EML5: variants seen among roughly 807,000 people sequenced by gnomAD.
EML5 encodes the protein EMAP like 5, also known as echinoderm microtubule-associated protein-like 5.
EML5 carries 120 observed loss-of-function variants against 250.0 expected under a neutral mutation model. The ratio of observed to expected loss-of-function variants is 0.48; its 90% CI spans 0.41 to 0.56. The LOEUF is 0.56. Ranked by LOEUF, EML5 falls within the 20% of genes least tolerant of loss-of-function variation. The pLI is 0.00. For missense variants in EML5, 2,006 were observed against 2,437.6 expected (o/e 0.82, Z 3.73); for synonymous variants, 771 against 806.5 (o/e 0.96, Z 0.75).
Position 88,616,248 on chromosome 14 carries a change from AAAC to A in EML5, c.5797-9_5797-7del. 1 of 1,613,648 alleles carries A rather than the reference AAAC, an allele frequency of 6.2e-7. No individual in the cohort carries two copies. Among genetic ancestry groups the A allele is most frequent in the South Asian group, 1.1e-5 (1 of 91,058 alleles). On this transcript the variant is annotated splice_polypyrimidine_tract_variant and splice_region_variant and intron_variant, in intron 42 of 43. Transcript: ENST00000554922. ...AAGAACCTTTTGTGTTTTGCCTAAAAAACAATGACAGACAAGCTCAGGGCATTT... is the reference window on the plus strand; with the variant it reads ...AAGAACCTTTTGTGTTTTGCCTAAAAAATGACAGACAAGCTCAGGGCATTT...
At chr14:88,770,266 T>C (rs1304576407) in intron 1 of EML5, among the ~76,000 whole-genome samples, 1 of 152,216 alleles carries the variant, frequency 6.6e-6, no homozygotes, top group East Asian at 1.9e-4. Context: ...GGAGGTCTGA[T>C]AAGTTATTTT....
Position 88,740,533 on chromosome 14 carries a change from C to A in EML5, c.565G>T (p.Gly189Cys). ...LCGNALTPKR[G>C]VFGKTGDLQT... ...AGGTCACCCGTCTTACCAAAGACAC[C>A]TCGTTTTGGGGTCAGAGCATTTCCA... The change falls in exon 5 of 44, where the codon GGT becomes TGT. Residue 189 changes from glycine (G) to cysteine (C), a missense_variant. Around this residue, in one of 7 missense-constraint regions of EML5, gnomAD observed 1,375 missense variants for 1,590.3 expected, o/e 0.86. Coordinates refer to ENST00000554922, the MANE Select transcript of EML5 (RefSeq NM_183387.3). The A allele has an allele frequency of 6.2e-7, 1 of 1,613,036 alleles. No homozygotes were observed. The highest frequency in any genetic ancestry group is 8.5e-7 in the Non-Finnish European group (1 of 1,179,494).
intron 1 of EML5, among the ~76,000 whole-genome samples, chr14:88,790,911 C>T (rs2094599420): frequency 6.6e-6 from 1 of 152,102 alleles, no homozygotes; most frequent in African/African-American, 2.4e-5. Flanking sequence ...CTAATCACCA[C>T]GATACAGAGT....
rs1025450566 is a variant in EML5 at position 88,792,821 on chromosome 14, G to T, written c.-318C>A. ...GCGCCTGGGCCGAGAGCGAGGGCCC[G>T]CCTCCAGCTCCTCAGCCGCCGCCCG... On this transcript the variant is annotated 5_prime_UTR_variant, in exon 1 of 44. Transcript: ENST00000554922. This position sits in a 1 kb window ranked among gnomAD's most constrained non-coding sequence, Gnocchi z 6.9. 12 of 866,122 alleles carry T rather than the reference G, an allele frequency of 1.4e-5. No individual in the cohort carries two copies. The highest frequency in any genetic ancestry group is 1.2e-4 in the Admixed American group (2 of 16,428). 53.7% of individuals were successfully genotyped at this position (866,122 alleles called of 1,614,324 possible).
chr14:88,666,725 G>C (rs1478841498), intron 21 of EML5, among the ~76,000 whole-genome samples: 2 of 151,852 alleles, frequency 1.3e-5, no homozygotes, highest in African/African-American at 4.8e-5. Flanking sequence ...ACACAAAAAA[G>C]GGCTTACCCT....
intron 8 of EML5, among the ~76,000 whole-genome samples, chr14:88,721,320 G>T (rs1265049833): frequency 6.6e-6 from 1 of 152,074 alleles, no homozygotes; most frequent in African/African-American, 2.4e-5. Context: ...TCAATCCTAA[G>T]CAAAAAGAAC....
At position 88,792,453 on chromosome 14, in the gene EML5, G is replaced by A. The variant is rs748508304; in HGVS notation, c.51C>T (p.Tyr17=). Residue 17 remains tyrosine, a synonymous_variant, in exon 1 of 44, where the codon TAC becomes TAT. Transcript: ENST00000554922. The surrounding 1 kb of genome is among the most constrained non-coding windows in gnomAD (Gnocchi z 6.9). ...TGCGGCACTGGTGGCCCCGGTAGCC[G>A]TACACCCACTCGAGCCGCAGGTGGC... ...PSCHLRLEWV[Y]GYRGHQCRNN... 1.6e-5 allele frequency: 24 copies of A among 1,521,840 alleles called. No individual in the cohort carries two copies. In the Admixed American group the frequency reaches 4.2e-4, roughly 26 times the overall value. The allele number at this position is 1,521,840 out of a possible 1,614,324, so 94.3% of individuals were successfully genotyped here.
At chr14:88,745,113 C>T (rs916660905) in intron 3 of EML5, among the ~76,000 whole-genome samples, 1 of 151,112 alleles carries the variant, frequency 6.6e-6, no homozygotes, top group Non-Finnish European at 1.5e-5. Flanking sequence ...TAAGAACATG[C>T]CAGCTGTCTA....
At chr14:88,654,870 T>C (rs945410161) in intron 27 of EML5, among the ~76,000 whole-genome samples, 2 of 152,094 alleles carry the variant, frequency 1.3e-5, no homozygotes, top group African/African-American at 2.4e-5. Flanking sequence ...ATATTGACAG[T>C]GGGGTGTTAA....
At position 88,751,634 on chromosome 14, in the gene EML5, ACTGTTAG is replaced by A. The variant is rs1324386150; in HGVS notation, c.357+2871_357+2877del. 3.3e-5 allele frequency among the ~76,000 whole-genome samples: 5 copies of A among 152,278 alleles called. No homozygotes were observed. The East Asian group carries it at 9.6e-4, about 29-fold the overall frequency. ...TATTTAGAGTTGAGAAGCCAGAGCCACTGTTAGCTGATATGGAAGTTAAAGTCATGGG... is the reference window on the plus strand; with the variant it reads ...TATTTAGAGTTGAGAAGCCAGAGCCACTGATATGGAAGTTAAAGTCATGGG... On this transcript the variant is annotated intron_variant, in intron 2 of 43. Coordinates refer to ENST00000554922, the MANE Select transcript of EML5 (RefSeq NM_183387.3).
chr14:88,782,782 T>C (rs1259870789), intron 1 of EML5, among the ~76,000 whole-genome samples: 2 of 152,094 alleles, frequency 1.3e-5, no homozygotes, highest in Non-Finnish European at 2.9e-5. Context: ...TTTCAGAGAA[T>C]GTATGAAAAT....
In EML5 at chr14:88,618,731, A is replaced by C. The variant is rs746197204; in HGVS notation, c.5457T>G (p.Thr1819=). ...VDFYDLTLGP[T]LNRISYCKDI... ...CTTTGCAGTAGCTGATTCTGTTAAG[A>C]GTGGGGCCCAGCGTTAGGTCATAAA... The change falls in exon 40 of 44, where the codon ACT becomes ACG. Residue 1819 remains threonine, a synonymous_variant. Coordinates refer to ENST00000554922, the MANE Select transcript of EML5 (RefSeq NM_183387.3). 1.9e-6 allele frequency: 3 copies of C among 1,609,090 alleles called. No homozygotes were observed. The South Asian group carries it at 3.3e-5, about 18-fold the overall frequency.
At chr14:88,643,555 T>C (rs1172864784) in intron 30 of EML5, among the ~76,000 whole-genome samples, 1 of 152,200 alleles carries the variant, frequency 6.6e-6, no homozygotes, top group Non-Finnish European at 1.5e-5. Context: ...TGAGCACCTG[T>C]GGATTTTGGC....
intron 2 of EML5, 50 bp from the exon 3 acceptor site, chr14:88,746,333 A>G: frequency 6.9e-7 from 1 of 1,454,184 alleles, no homozygotes. Context: ...CAAACAAATC[A>G]AAGAGAAACT....
chr14:88,768,049 A>T (rs1363538716), intron 1 of EML5, among the ~76,000 whole-genome samples: 1 of 152,160 alleles, frequency 6.6e-6, no homozygotes. Context: ...GAAGAATACT[A>T]ACCAGTTATT....
chr14:88,736,003 CTTT>C (rs11321542), intron 7 of EML5, among the ~76,000 whole-genome samples: 5 of 122,120 alleles, frequency 4.1e-5, no homozygotes, highest in East Asian at 2.7e-4. Context: ...TTTTTTCTTT[CTTT>C]TTTTTTTTTT....
intron 20 of EML5, among the ~76,000 whole-genome samples, 177 bp from the exon 21 acceptor site, chr14:88,682,208 T>C (rs577504317): frequency 6.6e-6 from 1 of 152,306 alleles, no homozygotes; most frequent in South Asian, 2.1e-4. Context: ...AATACCTCTG[T>C]AACAACTTTA....
At chr14:88,782,555 G>C (rs2094508135) in intron 1 of EML5, among the ~76,000 whole-genome samples, 1 of 152,140 alleles carries the variant, frequency 6.6e-6, no homozygotes, top group Non-Finnish European at 1.5e-5. Flanking sequence ...GGAAAAACTG[G>C]TTTCCTGTGC....
rs575990392 is a variant in EML5 at position 88,750,451 on chromosome 14, AG to A, written c.357+4060del. On this transcript the variant is annotated intron_variant, in intron 2 of 43. Coordinates refer to ENST00000554922, the MANE Select transcript of EML5 (RefSeq NM_183387.3). ...ATGGGGACAAATAAAAATACCTCAC[AG>A]GGGTTACTGTGAAAATTGACATATG... Among the ~76,000 whole-genome samples the A allele has an allele frequency of 7.8e-4, 119 of 152,288 alleles. No individual in the cohort carries two copies. In the South Asian group the frequency reaches 9.5e-3, roughly 12 times the overall value.
Sources: allele counts gnomAD v4.1 joint callset (sites outside exome capture counted in the v4.1 genomes callset), GRCh38; gene constraint gnomAD v4.1.1; regional missense constraint gnomAD v4.1.1; non-coding constraint Gnocchi (gnomAD v3.1); transcripts MANE v1.5; gene names NCBI Gene and HGNC (gene_info 2026-07-23, HGNC 2026-07-21).